ANP32E: variants seen among roughly 807,000 people sequenced by gnomAD.
The protein encoded by ANP32E is acidic leucine-rich nuclear phosphoprotein 32 family member E.
Under a neutral mutation model 35.3 loss-of-function variants are expected in ANP32E, and 14 were observed. The observed-to-expected ratio is 0.40, with a 90% CI of 0.26 to 0.62. The LOEUF (loss-of-function observed/expected upper bound fraction) is 0.62, where lower values mean the gene tolerates loss of function less well. ANP32E is among the 20% of genes least tolerant of loss of function. ANP32E has a pLI of 0.45. For missense variants in ANP32E, 198 were observed against 304.4 expected, an observed-to-expected ratio of 0.65 and a Z score of 2.60; for synonymous variants, 89 against 110.4, an observed-to-expected ratio of 0.81 and a Z score of 1.22.
rs587713629 is a variant in ANP32E, at chr1:150,228,641, G to A, written c.493+431C>T. On this transcript the variant is annotated intron_variant, in intron 4 of 6. Transcript: ENST00000583931. ...CAGAAGGCAGAGGTTGCAGTGAGCC[G>A]AGATTGTGCCACTGCACTCTAGCCT... 5.0e-4 allele frequency among the ~76,000 whole-genome samples: 75 copies of A among 150,612 alleles called. No homozygotes were observed. The East Asian group carries it at 0.011, about 23-fold the overall frequency.
At chr1:150,232,993 G>A (rs1486352840) in intron 1 of ANP32E, among the ~76,000 whole-genome samples, 11 of 151,954 alleles carry the variant, frequency 7.2e-5, no homozygotes, top group South Asian at 2.1e-4. Flanking sequence ...TGCCAGGCTC[G>A]GGGGCTCACG....
intron 5 of ANP32E, among the ~76,000 whole-genome samples, chr1:150,225,668 C>A (rs1275630832): frequency 1 from 118,903 of 119,328 alleles, 59,286 homozygotes; most frequent in South Asian, 1. Context: ...GAGACTGTAA[C>A]AAAAAAAAAA....
rs587709427 is a variant in ANP32E at position 150,234,614 on chromosome 1, C to G, written c.54+1119G>C. 186 of 985,628 alleles carry G rather than the reference C, an allele frequency of 1.9e-4. 1 individual carries two copies. The African/African-American group carries it at 3.0e-3, about 16-fold the overall frequency. 61.1% of individuals were successfully genotyped at this position (985,628 alleles called of 1,614,324 possible). A position where few individuals can be genotyped will look rare whatever the true frequency, so the allele number is the denominator to read the frequency against. On this transcript the variant is annotated intron_variant, in intron 1 of 6. Transcript: ENST00000583931. ...TAGGCTTATTTCAGCAAGACTGATG[C>G]TTTCCTCTGCGAGGCTCCCCGCTGG...
At chr1:150,234,868 C>G (rs1344848215) in intron 1 of ANP32E, among the ~76,000 whole-genome samples, 1 of 152,258 alleles carries the variant, frequency 6.6e-6, no homozygotes, top group South Asian at 2.1e-4. Flanking sequence ...CTCCCAACCC[C>G]GTCTCTTTAA....
At chr1:150,227,188 G>A (rs1320591381) in intron 4 of ANP32E, among the ~76,000 whole-genome samples, 1 of 152,162 alleles carries the variant, frequency 6.6e-6, no homozygotes, top group Admixed American at 6.5e-5. Flanking sequence ...AAGCAGTTTG[G>A]AAATTTCTCA....
At chr1:150,221,204 G>A (rs781883959) in intron 6 of ANP32E, among the ~76,000 whole-genome samples, 17 of 150,546 alleles carry the variant, frequency 1.1e-4, no homozygotes, top group South Asian at 4.2e-4. Context: ...TTGGGAGGCC[G>A]AGCCAGGCGG....
intron 5 of ANP32E, among the ~76,000 whole-genome samples, chr1:150,224,216 G>A (rs1648685800): frequency 6.6e-6 from 1 of 152,134 alleles, no homozygotes; most frequent in African/African-American, 2.4e-5. Context: ...AACTGAAGAA[G>A]GAGAGACAAG....
chr1:150,220,863 G>T (rs58395667), intron 6 of ANP32E, 102 bp from the exon 7 acceptor site: 2 of 952,058 alleles, frequency 2.1e-6, no homozygotes, highest in Admixed American at 1.8e-5. Flanking sequence ...GGCCTAGCAC[G>T]GTGGCTCACA....
At chr1:150,225,824 T>C (rs1317458748) in intron 5 of ANP32E, among the ~76,000 whole-genome samples, 1 of 152,048 alleles carries the variant, frequency 6.6e-6, no homozygotes, top group Non-Finnish European at 1.5e-5. Flanking sequence ...CTGTGGAGAA[T>C]ACTCCTAAGT....
chr1:150,223,550 A>G (rs1386393027), intron 5 of ANP32E, among the ~76,000 whole-genome samples: 2 of 151,378 alleles, frequency 1.3e-5, no homozygotes, highest in African/African-American at 4.9e-5. Flanking sequence ...GCATGGTGGC[A>G]GGCGCCTGTA....
intron 6 of ANP32E, among the ~76,000 whole-genome samples, 164 bp from the exon 7 acceptor site, chr1:150,220,925 T>C (rs937819115): frequency 1.3e-5 from 2 of 152,022 alleles, no homozygotes; most frequent in Non-Finnish European, 2.9e-5. Flanking sequence ...ACTTGAGGCC[T>C]GGCCAACAAG....
At position 150,226,791 on chromosome 1, in the gene ANP32E, G is replaced by A. The variant is rs7522034; in HGVS notation, c.498C>T (p.Gly166=). ...PDSEEEDDED[G]DEDDEEEEEN... ...CCTCTTCCTCTTCATCATCTTCATCGCCATCTTTAAAAAATCATTTAAAGA... is the reference window on the plus strand; with the variant it reads ...CCTCTTCCTCTTCATCATCTTCATCACCATCTTTAAAAAATCATTTAAAGA... The change falls in exon 5 of 7, where the codon GGC becomes GGT. Residue 166 remains glycine (G), a synonymous_variant. Transcript: ENST00000583931. 26 of 1,597,076 alleles carry A rather than the reference G, an allele frequency of 1.6e-5. No individual in the cohort carries two copies. The highest frequency in any genetic ancestry group is 2.2e-5 in the Non-Finnish European group (26 of 1,174,282).
rs1328768270 is a variant in ANP32E at position 150,236,022 on chromosome 1, A to G, written c.-236T>C. On this transcript the variant is annotated 5_prime_UTR_variant, in exon 1 of 7. Coordinates refer to ENST00000583931, the MANE Select transcript of ANP32E (RefSeq NM_030920.5). ...TCCTTGTCCACACACTAGCGCGCGC[A>G]CACACACGCACGCACGCGCGCACAC... 14 of 547,822 alleles carry G rather than the reference A, an allele frequency of 2.6e-5. No individual in the cohort carries two copies. Among genetic ancestry groups the G allele is most frequent in the African/African-American group, 1.1e-4 (6 of 52,394 alleles). The allele number at this position is 547,822 out of a possible 1,614,324, so 33.9% of individuals were successfully genotyped here.
At chr1:150,227,053 A>G (rs1473964446) in intron 4 of ANP32E, among the ~76,000 whole-genome samples, 1 of 152,114 alleles carries the variant, frequency 6.6e-6, no homozygotes, top group Non-Finnish European at 1.5e-5. Flanking sequence ...TATTGCATGC[A>G]CTAAAGTTTG....
In ANP32E at chr1:150,233,820, A is replaced by G. The variant is rs587756877; in HGVS notation, c.55-1894T>C. On this transcript the variant is annotated intron_variant, in intron 1 of 6. Transcript: ENST00000583931. Reference sequence around the variant, plus strand: ...TTTGGAGAAGAGGAAACTATGGCCCAGAGATGAAGAATGGCTTGCCTAGAG... The same window carrying G: ...TTTGGAGAAGAGGAAACTATGGCCCGGAGATGAAGAATGGCTTGCCTAGAG... Among the ~76,000 whole-genome samples, 4 of 152,260 alleles carry G rather than the reference A, an allele frequency of 2.6e-5. No homozygotes were observed. In the East Asian group the frequency reaches 7.7e-4, roughly 29 times the overall value.
intron 2 of ANP32E, 83 bp from the exon 3 acceptor site, chr1:150,230,776 CTG>C (rs1267323675): frequency 3.0e-5 from 40 of 1,337,298 alleles, no homozygotes; most frequent in Admixed American, 2.3e-4. Flanking sequence ...TAGTCTCACT[CTG>C]TCGCCCAGGC....
rs1414475216 is a variant in ANP32E at position 150,234,465 on chromosome 1, C to G, written c.54+1268G>C. ...AAATCTTAGTTGCCACTCCACACGC[C>G]GGACGCGAAAGCCCAGACAGACCCT... On this transcript the variant is annotated intron_variant, in intron 1 of 6. Coordinates refer to ENST00000583931, the MANE Select transcript of ANP32E (RefSeq NM_030920.5). The G allele has an allele frequency of 1.1e-5, 5 of 471,034 alleles. No individual in the cohort carries two copies. The South Asian group carries it at 4.5e-4, about 42-fold the overall frequency. 29.2% of individuals were successfully genotyped at this position (471,034 alleles called of 1,614,324 possible). A position where few individuals can be genotyped will look rare whatever the true frequency, so the allele number is the denominator to read the frequency against.
At chr1:150,230,752 T>TTTC in intron 2 of ANP32E, 59 bp from the exon 3 acceptor site, 1 of 1,540,150 alleles carries the variant, frequency 6.5e-7, no homozygotes, top group South Asian at 1.2e-5. Flanking sequence ...CAAACTTTTT[T>TTTC]TTTTTTTGAA....
intron 6 of ANP32E, 42 bp from the exon 7 acceptor site, chr1:150,220,803 C>T: frequency 6.5e-7 from 1 of 1,540,070 alleles, no homozygotes; most frequent in Non-Finnish European, 9.0e-7. Flanking sequence ...TTAATTTTAA[C>T]AAATGAGGAT....
Sources: allele counts gnomAD v4.1 joint callset (sites outside exome capture counted in the v4.1 genomes callset), GRCh38; gene constraint gnomAD v4.1.1; transcripts MANE v1.5; gene names NCBI Gene and HGNC (gene_info 2026-07-23, HGNC 2026-07-21).